Variants in CYP7B1 observed in about 807,000 individuals in gnomAD.
CYP7B1 encodes cytochrome P450 7B1.
A neutral mutation model predicts 42.7 loss-of-function variants in CYP7B1; 29 were observed. The observed-to-expected ratio is 0.68, with a 90% CI of 0.51 to 0.93. The LOEUF is 0.93. CYP7B1 is among the 40% of genes least tolerant of loss of function. The pLI is 0.00. For synonymous variants in CYP7B1, 235 were observed against 218.2 expected (o/e 1.08, Z -0.68); for missense variants, 655 against 600.5 (o/e 1.09, Z -0.95).
chr8:64,642,093 T>A (rs534098581), intron 1 of CYP7B1, among the ~76,000 whole-genome samples: 178 of 152,304 alleles, frequency 1.2e-3, no homozygotes, highest in African/African-American at 4.0e-3. Context: ...TGTTAATATA[T>A]GTACTCATTA....
chr8:64,730,212 C>G (rs565252343), intron 1 of CYP7B1, among the ~76,000 whole-genome samples: 2 of 152,068 alleles, frequency 1.3e-5, no homozygotes, highest in East Asian at 3.9e-4. Flanking sequence ...CAGGCACATG[C>G]CACCATGTCC....
intron 1 of CYP7B1, among the ~76,000 whole-genome samples, chr8:64,780,586 G>A (rs544694561): frequency 9.9e-5 from 15 of 151,986 alleles, no homozygotes; most frequent in African/African-American, 3.4e-4. Context: ...ATAAAAATGA[G>A]CAATTCAGCT....
chr8:64,730,190 T>C (rs1007463173), intron 1 of CYP7B1, among the ~76,000 whole-genome samples: 17 of 152,112 alleles, frequency 1.1e-4, no homozygotes, highest in African/African-American at 3.6e-4. Flanking sequence ...GCCTCCCAAG[T>C]AGATGGGACT....
intron 2 of CYP7B1, among the ~76,000 whole-genome samples, chr8:64,623,816 C>A (rs908462722): frequency 2.6e-5 from 4 of 152,116 alleles, no homozygotes; most frequent in Non-Finnish European, 5.9e-5. Flanking sequence ...AAGAGTACAG[C>A]TACTCCATAT....
intron 1 of CYP7B1, among the ~76,000 whole-genome samples, chr8:64,713,668 GAA>G (rs1563401777): frequency 6.6e-6 from 1 of 151,496 alleles, no homozygotes; most frequent in Non-Finnish European, 1.5e-5. Flanking sequence ...CTATCTGAAA[GAA>G]AAAAAGATAA....
intron 1 of CYP7B1, among the ~76,000 whole-genome samples, chr8:64,795,136 C>T (rs1024761877): frequency 1.3e-5 from 2 of 152,080 alleles, no homozygotes; most frequent in Admixed American, 1.3e-4. Flanking sequence ...TTACAAACCA[C>T]AATTAAATAG....
chr8:64,671,922 C>T (rs1806373102), intron 1 of CYP7B1, among the ~76,000 whole-genome samples: 1 of 152,072 alleles, frequency 6.6e-6, no homozygotes, highest in African/African-American at 2.4e-5. Flanking sequence ...AGTGATAGGG[C>T]TATGTAGGAA....
chr8:64,798,641 G>A lies in CYP7B1; in HGVS notation c.-54C>T, dbSNP rs1479622523. 7.0e-6 allele frequency: 10 copies of A among 1,436,342 alleles called. No individual in the cohort carries two copies. The highest frequency in any genetic ancestry group is 9.1e-6 in the Non-Finnish European group (10 of 1,103,720). 89.0% of individuals were successfully genotyped at this position (1,436,342 alleles called of 1,614,324 possible). A position where few individuals can be genotyped will look rare whatever the true frequency, so the allele number is the denominator to read the frequency against. On this transcript the variant is annotated 5_prime_UTR_variant, in exon 1 of 6. Transcript: ENST00000310193. ...CCCGGGGTCTGCCTGCGAACAGCGC[G>A]GTCGGCGACTCTGCAGCCTGCGGCG...
In CYP7B1 at chr8:64,593,232, GGTGTGTGTGTGTGTGTGT is replaced by G. The variant is rs57590025; in HGVS notation, c.*3392_*3409del. On this transcript the variant is annotated 3_prime_UTR_variant, in exon 6 of 6. Coordinates refer to ENST00000310193, the MANE Select transcript of CYP7B1 (RefSeq NM_004820.5). Reference sequence around the variant, plus strand: ...TGGTGGACTAAAGGCTAGGGCCCAGGGTGTGTGTGTGTGTGTGTGTGTGTGTGTGTGTGTGTGTGTGTG... The same window carrying G: ...TGGTGGACTAAAGGCTAGGGCCCAGGGTGTGTGTGTGTGTGTGTGTGTGTG... Among the ~76,000 whole-genome samples, 381 of 123,450 alleles carry G rather than the reference GGTGTGTGTGTGTGTGTGT, an allele frequency of 3.1e-3. 2 individuals carry two copies. The highest frequency in any genetic ancestry group is 8.8e-3 in the African/African-American group (309 of 35,154). 81.0% of individuals were successfully genotyped at this position (123,450 alleles called of 152,430 possible).
chr8:64,638,681 G>A (rs1440182866), intron 1 of CYP7B1, among the ~76,000 whole-genome samples: 1 of 152,108 alleles, frequency 6.6e-6, no homozygotes, highest in Non-Finnish European at 1.5e-5. Flanking sequence ...CCAGGGTGGA[G>A]TAAGGGATTT....
chr8:64,636,402 T>C (rs952268826), intron 1 of CYP7B1, among the ~76,000 whole-genome samples: 2 of 152,180 alleles, frequency 1.3e-5, no homozygotes, highest in African/African-American at 4.8e-5. Flanking sequence ...TATAAAAAAC[T>C]GAACACAATG....
Position 64,691,486 on chromosome 8 carries a change from G to GT in CYP7B1, c.123-66948_123-66947insA, listed in dbSNP as rs972779853. Among the ~76,000 whole-genome samples, 81 of 149,700 alleles carry GT rather than the reference G, an allele frequency of 5.4e-4. 2 individuals are homozygous for GT. Among genetic ancestry groups the GT allele is most frequent in the African/African-American group, 1.9e-3 (76 of 40,336 alleles). ...ACGTATGGTTGCGATGGCAACTGGGGGGGGGGGGTGGTGGTTAAAGCTGGA... is the reference window on the plus strand; with the variant it reads ...ACGTATGGTTGCGATGGCAACTGGGGTGGGGGGGGTGGTGGTTAAAGCTGGA... On this transcript the variant is annotated intron_variant, in intron 1 of 5. Coordinates refer to ENST00000310193, the MANE Select transcript of CYP7B1 (RefSeq NM_004820.5).
At chr8:64,741,424 A>AT (rs1190431029) in intron 1 of CYP7B1, among the ~76,000 whole-genome samples, 5 of 151,988 alleles carry the variant, frequency 3.3e-5, no homozygotes, top group Non-Finnish European at 5.9e-5. Flanking sequence ...AATTCAAGTG[A>AT]TTCTCCTGCC....
intron 5 of CYP7B1, among the ~76,000 whole-genome samples, chr8:64,601,095 T>C (rs1295634749): frequency 6.6e-6 from 1 of 152,260 alleles, no homozygotes; most frequent in Non-Finnish European, 1.5e-5. Flanking sequence ...TGCCATGTCA[T>C]TCTAAGAACA....
intron 1 of CYP7B1, among the ~76,000 whole-genome samples, chr8:64,705,885 A>G (rs1252654307): frequency 6.6e-6 from 1 of 152,212 alleles, no homozygotes; most frequent in East Asian, 1.9e-4. Context: ...AAGTATCAAG[A>G]TAATACAGTG....
At chr8:64,630,057 A>G (rs1805666992) in intron 1 of CYP7B1, among the ~76,000 whole-genome samples, 1 of 152,228 alleles carries the variant, frequency 6.6e-6, no homozygotes, top group Non-Finnish European at 1.5e-5. Context: ...GTGGAGGGCT[A>G]TACCCAAAGA....
At chr8:64,590,720 G>A (rs1257783261), downstream of CYP7B1, among the ~76,000 whole-genome samples, 2 of 152,064 alleles carry the variant, frequency 1.3e-5, no homozygotes, top group Non-Finnish European at 2.9e-5. Context: ...ATATGTGTAC[G>A]GGGGCAAGAA....
At chr8:64,675,170 T>A (rs948704779) in intron 1 of CYP7B1, among the ~76,000 whole-genome samples, 1 of 152,082 alleles carries the variant, frequency 6.6e-6, no homozygotes, top group Non-Finnish European at 1.5e-5. Flanking sequence ...CAAGTACAAG[T>A]TCTTAACTGT....
chr8:64,710,300 A>G (rs1182309823), intron 1 of CYP7B1, among the ~76,000 whole-genome samples: 2 of 152,052 alleles, frequency 1.3e-5, no homozygotes, highest in African/African-American at 2.4e-5. Flanking sequence ...TAAAACACCC[A>G]TCCCTGATCC....
Sources: allele counts gnomAD v4.1 joint callset (sites outside exome capture counted in the v4.1 genomes callset), GRCh38; gene constraint gnomAD v4.1.1; transcripts MANE v1.5; gene names NCBI Gene and HGNC (gene_info 2026-07-23, HGNC 2026-07-21).